The following PEMT variants were observed in gnomAD, a reference collection of about 807,000 sequenced individuals.
PEMT encodes phospholipid methyltransferase.
Under a neutral mutation model 27.4 loss-of-function variants are expected in PEMT, and 23 were observed. The ratio of observed to expected loss-of-function variants is 0.84; its 90% confidence interval spans 0.60 to 1.19. PEMT has a LOEUF of 1.19. PEMT is among the 50% of genes most tolerant of loss of function. The pLI, the probability that PEMT is intolerant of heterozygous loss-of-function variation, is 0.00. For missense variants in PEMT, 307 were observed against 310.1 expected (o/e 0.99, Z 0.07); for synonymous variants, 137 against 139.1 (o/e 0.98, Z 0.11).
At position 17,513,507 on chromosome 17, in the gene PEMT, G is replaced by A. The variant is rs1445281774; in HGVS notation, c.321-853C>T. Among the ~76,000 whole-genome samples the A allele has an allele frequency of 1.3e-5, 2 of 152,190 alleles. No individual in the cohort carries two copies. Among genetic ancestry groups the A allele is most frequent in the Non-Finnish European group, 2.9e-5 (2 of 68,036 alleles). ...AGCTACTTGAGAGGCTGGGGCACAAGAATCGCTTGAACCCAGGAGGCGGAG... is the reference window on the plus strand; with the variant it reads ...AGCTACTTGAGAGGCTGGGGCACAAAAATCGCTTGAACCCAGGAGGCGGAG... On this transcript the variant is annotated intron_variant, in intron 3 of 6. Coordinates refer to ENST00000255389, the MANE Select transcript of PEMT (RefSeq NM_148172.3). The surrounding 1 kb of genome is among the most constrained non-coding windows in gnomAD (Gnocchi z 4.1).
At chr17:17,536,357 A>G (rs1363525704) in intron 2 of PEMT, among the ~76,000 whole-genome samples, 1 of 152,126 alleles carries the variant, frequency 6.6e-6, no homozygotes, top group Non-Finnish European at 1.5e-5. Flanking sequence ...CCCAACTCTG[A>G]TGGGGGAATC....
chr17:17,536,236 G>C (rs2142580982), intron 2 of PEMT, among the ~76,000 whole-genome samples: 1 of 152,342 alleles, frequency 6.6e-6, no homozygotes, highest in South Asian at 2.1e-4. Context: ...CCGATAGTGT[G>C]CCTCCCTTGC....
chr17:17,584,473 ATT>A (rs369804128), intron 1 of PEMT, among the ~76,000 whole-genome samples: 3 of 151,408 alleles, frequency 2.0e-5, no homozygotes, highest in Non-Finnish European at 2.9e-5. Context: ...AACCTGGCTA[ATT>A]TTTTTTTATT....
rs1906444490 is a variant in PEMT, at chr17:17,512,001, CT to C, written c.466+507del. 6.6e-6 allele frequency among the ~76,000 whole-genome samples: 1 copy of C among 151,200 alleles called. No homozygotes were observed. Reference sequence around the variant, plus strand: ...GAGAAGGGATAAGGTGCCTCCACCCCTCACCCCTCCCCAGACCTACACCAGC... The same window carrying C: ...GAGAAGGGATAAGGTGCCTCCACCCCCACCCCTCCCCAGACCTACACCAGC... On this transcript the variant is annotated intron_variant, in intron 4 of 6. Coordinates refer to ENST00000255389, the MANE Select transcript of PEMT (RefSeq NM_148172.3). The surrounding 1 kb of genome is among the most constrained non-coding windows in gnomAD (Gnocchi z 6.3).
intron 2 of PEMT, among the ~76,000 whole-genome samples, chr17:17,546,222 G>A (rs1597914785): frequency 6.6e-6 from 1 of 152,208 alleles, no homozygotes; most frequent in East Asian, 1.9e-4. Context: ...TCACTAACAG[G>A]AGAAGAAAGG....
In PEMT at chr17:17,561,126, C is replaced by T. The variant is rs1028669638; in HGVS notation, c.204+15794G>A. Among the ~76,000 whole-genome samples the T allele has an allele frequency of 1.2e-4, 18 of 152,198 alleles. No individual in the cohort carries two copies. Among genetic ancestry groups the T allele is most frequent in the African/African-American group, 3.9e-4 (16 of 41,518 alleles). ...ACATGATGGGCAGGACCCACACACA[C>T]CACAGTCATCAAACATTCACTGGGC... On this transcript the variant is annotated intron_variant, in intron 2 of 6. Transcript: ENST00000255389. This position sits in a 1 kb window ranked among gnomAD's most constrained non-coding sequence, Gnocchi z 4.5.
In PEMT at chr17:17,578,344, T is replaced by C. The variant is rs187837787; in HGVS notation, c.97-1317A>G. On this transcript the variant is annotated intron_variant, in intron 1 of 6. Coordinates refer to ENST00000255389, the MANE Select transcript of PEMT (RefSeq NM_148172.3). ...CAGTCTAGGCAACATAGTGAGACCCTGTCTCTACAAAAATGTAAAAACTAG... is the reference window on the plus strand; with the variant it reads ...CAGTCTAGGCAACATAGTGAGACCCCGTCTCTACAAAAATGTAAAAACTAG... Among the ~76,000 whole-genome samples, 1,335 of 151,814 alleles carry C rather than the reference T, an allele frequency of 8.8e-3. 25 individuals carry two copies. The highest frequency in any genetic ancestry group is 0.03 in the African/African-American group (1,235 of 41,406).
At chr17:17,518,262 G>A (rs920151799) in intron 3 of PEMT, 6 of 612,556 alleles carry the variant, frequency 9.8e-6, no homozygotes, top group Middle Eastern at 8.1e-4. Context: ...AAGCCCGTTC[G>A]AGCCCTGCCT....
chr17:17,507,147 C>T (rs1177879249), intron 5 of PEMT: 2 of 1,557,074 alleles, frequency 1.3e-6, no homozygotes, highest in Non-Finnish European at 1.7e-6. Context: ...CAAGCTGTCC[C>T]CCAATCTATT....
chr17:17,542,648 G>C (rs944530399), intron 2 of PEMT, among the ~76,000 whole-genome samples: 1 of 152,244 alleles, frequency 6.6e-6, no homozygotes, highest in African/African-American at 2.4e-5. Flanking sequence ...AGTAATGACA[G>C]TGACCACAAT....
At position 17,505,660 on chromosome 17, in the gene PEMT, C is replaced by T. The variant is rs1905763057; in HGVS notation, c.*131G>A. Reference sequence around the variant, plus strand: ...CCAGGGTCCCCAAGGCAGCAGGTTCCAAGGCACTGGGGCAGCCCACGCCGG... The same window carrying T: ...CCAGGGTCCCCAAGGCAGCAGGTTCTAAGGCACTGGGGCAGCCCACGCCGG... On this transcript the variant is annotated 3_prime_UTR_variant, in exon 7 of 7. Transcript: ENST00000255389. The T allele has an allele frequency of 9.3e-7, 1 of 1,072,722 alleles. No individual in the cohort carries two copies. Among genetic ancestry groups the T allele is most frequent in the African/African-American group, 1.6e-5 (1 of 60,956 alleles). The allele number at this position is 1,072,722 out of a possible 1,614,324, so 66.5% of individuals were successfully genotyped here.
rs1370760467 is a variant in PEMT at position 17,507,325 on chromosome 17, C to A, written c.579-1024G>T. On this transcript the variant is annotated intron_variant, in intron 5 of 6. Transcript: ENST00000255389. ...GGGGCTGTGCCCTCCTTGGCTGCCC[C>A]TGTGCCAAGCTGCCCCCTCCCCAGC... 5.5e-6 allele frequency: 4 copies of A among 731,560 alleles called. No homozygotes were observed. The East Asian group carries it at 1.1e-4, about 20-fold the overall frequency. The allele number at this position is 731,560 out of a possible 1,614,324, so 45.3% of individuals were successfully genotyped here.
chr17:17,511,661 G>T (rs1906405617), intron 4 of PEMT, among the ~76,000 whole-genome samples: 1 of 152,234 alleles, frequency 6.6e-6, no homozygotes, highest in Admixed American at 6.5e-5. Flanking sequence ...GAAGACGTGG[G>T]CCTTCCCACC....
chr17:17,580,664 G>T (rs1378305277), intron 1 of PEMT, among the ~76,000 whole-genome samples: 5 of 152,118 alleles, frequency 3.3e-5, no homozygotes, highest in Non-Finnish European at 4.4e-5. Context: ...GAGTGGGCCA[G>T]CGGCCAGTTT....
At chr17:17,580,503 G>C (rs1311688939) in intron 1 of PEMT, among the ~76,000 whole-genome samples, 2 of 152,012 alleles carry the variant, frequency 1.3e-5, no homozygotes, top group African/African-American at 4.8e-5. Context: ...CAAAAAACAC[G>C]CATCCAATTC....
chr17:17,541,305 G>C (rs1466173806), intron 2 of PEMT, among the ~76,000 whole-genome samples: 1 of 152,186 alleles, frequency 6.6e-6, no homozygotes, highest in African/African-American at 2.4e-5. Context: ...CGAGTCAGCT[G>C]AACCACCTGA....
intron 2 of PEMT, among the ~76,000 whole-genome samples, chr17:17,547,654 T>TTCCTCCTCCTCCTCC (rs554459182): frequency 1.3e-3 from 199 of 151,594 alleles, no homozygotes; most frequent in African/African-American, 4.7e-3. Context: ...CTCCCTCCTC[T>TTCCTCCTCCTCCTCC]TCCTCCTCCT....
In PEMT at chr17:17,577,073, C is replaced by T. The variant is rs369960092; in HGVS notation, c.97-46G>A. The T allele has an allele frequency of 1.3e-5, 19 of 1,409,286 alleles. No homozygotes were observed. In the African/African-American group the frequency reaches 2.4e-4, roughly 18 times the overall value. The allele number at this position is 1,409,286 out of a possible 1,614,324, so 87.3% of individuals were successfully genotyped here. ...TCAGCACCACCCAGACACAGCAGGG[C>T]CTGTGAGCCCCCAGGAGTCGGAGAA... On this transcript the variant is annotated intron_variant, in intron 1 of 6. Transcript: ENST00000255389.
chr17:17,579,218 G>A (rs1051562897), intron 1 of PEMT, among the ~76,000 whole-genome samples: 2 of 152,212 alleles, frequency 1.3e-5, no homozygotes, highest in Non-Finnish European at 2.9e-5. Flanking sequence ...CAGGTCACTT[G>A]CAGGGTGTGA....
Sources: allele counts gnomAD v4.1 joint callset (sites outside exome capture counted in the v4.1 genomes callset), GRCh38; gene constraint gnomAD v4.1.1; non-coding constraint Gnocchi (gnomAD v3.1); transcripts MANE v1.5; gene names NCBI Gene and HGNC (gene_info 2026-07-23, HGNC 2026-07-21).